Variants in LRMDA observed in about 807,000 individuals in gnomAD.
The protein encoded by LRMDA is leucine rich melanocyte differentiation associated, also known as leucine-rich melanocyte differentiation-associated protein.
Under a neutral mutation model 29.8 loss-of-function variants are expected in LRMDA, and 18 were observed. The ratio of observed to expected loss-of-function variants is 0.60; its 90% CI spans 0.42 to 0.90. The LOEUF (loss-of-function observed/expected upper bound fraction) is 0.90, where lower values mean the gene tolerates loss of function less well. LRMDA is among the 40% of genes least tolerant of loss of function. The pLI, the probability that LRMDA is intolerant of heterozygous loss-of-function variation, is 0.00. For synonymous variants in LRMDA, 125 were observed against 109.4 expected, an observed-to-expected ratio of 1.14 and a Z score of -0.89; for missense variants, 273 against 273.9, an observed-to-expected ratio of 1.00 and a Z score of 0.02.
chr10:75,783,968 G>T (rs981205759), intron 2 of LRMDA, among the ~76,000 whole-genome samples: 3 of 152,196 alleles, frequency 2.0e-5, no homozygotes, highest in Non-Finnish European at 4.4e-5. Flanking sequence ...ACATATTTCA[G>T]CAAGGCAGAA....
At chr10:75,839,931 A>G (rs1564582739) in intron 2 of LRMDA, among the ~76,000 whole-genome samples, 1 of 151,858 alleles carries the variant, frequency 6.6e-6, no homozygotes, top group Admixed American at 6.6e-5. Flanking sequence ...GATGATCTTG[A>G]TCTCCTGACC....
intron 5 of LRMDA, among the ~76,000 whole-genome samples, chr10:76,205,123 C>T (rs1045241529): frequency 6.6e-6 from 1 of 152,090 alleles, no homozygotes; most frequent in Non-Finnish European, 1.5e-5. Flanking sequence ...CCCAAGAGCG[C>T]ACTTAAAAAA....
chr10:76,142,446 A>G (rs1020876892), intron 5 of LRMDA, among the ~76,000 whole-genome samples: 2 of 152,028 alleles, frequency 1.3e-5, no homozygotes, highest in Admixed American at 6.6e-5. Context: ...AAATACATTT[A>G]TGTACCTAAA....
chr10:75,728,763 C>T (rs1842660669), intron 2 of LRMDA, among the ~76,000 whole-genome samples: 1 of 151,930 alleles, frequency 6.6e-6, no homozygotes, highest in African/African-American at 2.4e-5. Flanking sequence ...GGCTGGGAGG[C>T]TTGAAGCTTG....
intron 6 of LRMDA, among the ~76,000 whole-genome samples, chr10:76,551,421 G>C (rs950248037): frequency 1.3e-5 from 2 of 152,134 alleles, no homozygotes; most frequent in South Asian, 4.2e-4. Flanking sequence ...TTATTTTAAT[G>C]GTATTAATTT....
intron 2 of LRMDA, among the ~76,000 whole-genome samples, chr10:75,958,092 T>C (rs1461143533): frequency 2.0e-5 from 3 of 152,110 alleles, no homozygotes; most frequent in African/African-American, 7.2e-5. Context: ...CTGACGATGG[T>C]GCTGGTGACA....
intron 2 of LRMDA, among the ~76,000 whole-genome samples, chr10:75,649,600 A>G (rs1268815498): frequency 6.6e-6 from 1 of 152,238 alleles, no homozygotes; most frequent in Non-Finnish European, 1.5e-5. Context: ...ACTGTGAATA[A>G]TGCTGCTGTA....
chr10:76,221,865 A>G (rs1449101323), intron 5 of LRMDA, among the ~76,000 whole-genome samples: 2 of 152,004 alleles, frequency 1.3e-5, no homozygotes, highest in Admixed American at 6.6e-5. Flanking sequence ...CTGACTTCAA[A>G]CTATACTACA....
At chr10:75,582,773 C>T (rs1840610720) in intron 2 of LRMDA, among the ~76,000 whole-genome samples, 1 of 152,180 alleles carries the variant, frequency 6.6e-6, no homozygotes, top group Non-Finnish European at 1.5e-5. Context: ...CTTTTATGCT[C>T]TGCTTTCCCT....
chr10:75,923,446 A>C (rs1473327887), intron 2 of LRMDA, among the ~76,000 whole-genome samples: 1 of 152,172 alleles, frequency 6.6e-6, no homozygotes, highest in Non-Finnish European at 1.5e-5. Flanking sequence ...CGCTGTCATA[A>C]AAACAGCCGG....
chr10:75,538,992 A>G (rs1839985198), intron 2 of LRMDA, among the ~76,000 whole-genome samples: 1 of 152,236 alleles, frequency 6.6e-6, no homozygotes, highest in Admixed American at 6.5e-5. Context: ...TGTTGCTTGC[A>G]TGCAATTGAG....
chr10:75,524,648 T>G (rs1273538442), intron 2 of LRMDA, among the ~76,000 whole-genome samples: 3 of 152,162 alleles, frequency 2.0e-5, no homozygotes, highest in African/African-American at 7.2e-5. Flanking sequence ...TCTTCACAAC[T>G]TGGCCTATGT....
intron 6 of LRMDA, among the ~76,000 whole-genome samples, chr10:76,549,607 A>G (rs1843470033): frequency 2.0e-5 from 3 of 152,068 alleles, no homozygotes; most frequent in Non-Finnish European, 4.4e-5. Context: ...CACAGTTTAG[A>G]CCCTATCATG....
chr10:75,833,851 A>G (rs1589222838), intron 2 of LRMDA, among the ~76,000 whole-genome samples: 2 of 152,320 alleles, frequency 1.3e-5, no homozygotes, highest in East Asian at 3.9e-4. Flanking sequence ...TAAAAGGGAT[A>G]CAGTGAAAGG....
chr10:75,679,406 A>T (rs1040756047), intron 2 of LRMDA, among the ~76,000 whole-genome samples: 8 of 152,114 alleles, frequency 5.3e-5, no homozygotes, highest in African/African-American at 1.9e-4. Flanking sequence ...TAACTTGCCA[A>T]AGGTAATTCA....
chr10:76,171,161 A>G (rs1203552386), intron 5 of LRMDA, among the ~76,000 whole-genome samples: 1 of 152,188 alleles, frequency 6.6e-6, no homozygotes, highest in East Asian at 1.9e-4. Flanking sequence ...GGAATGGGAT[A>G]AGTCATCTGG....
rs1425475161 is a variant in LRMDA, at chr10:76,036,030, T to C, written c.154T>C (p.Phe52Leu). 1 of 1,614,084 alleles carries C rather than the reference T, an allele frequency of 6.2e-7. No homozygotes were observed. Among genetic ancestry groups the C allele is most frequent in the South Asian group, 1.1e-5 (1 of 91,056 alleles). The stretch of plus-strand genomic sequence containing the variant: ...CAGGTCACTGGAAGGACTGAGCGCA[T>C]TCAGGAGCCTGGAGGAACTCATCTT... Reference protein sequence around the residue: ...LLRSLEGLSAFRSLEELILDN... With the variant: ...LLRSLEGLSALRSLEELILDN... The change falls in exon 3 of 7, where the codon TTC (phenylalanine) becomes CTC (leucine). Residue 52 changes from phenylalanine (F) to leucine (L), a missense_variant. Phe to Leu is a conservative substitution (Grantham distance 22). Coordinates refer to ENST00000611255, the MANE Select transcript of LRMDA (RefSeq NM_001305581.2).
chr10:76,033,240 C>G (rs1208078139), intron 2 of LRMDA, among the ~76,000 whole-genome samples: 1 of 152,090 alleles, frequency 6.6e-6, no homozygotes, highest in African/African-American at 2.4e-5. Flanking sequence ...GATTAAATCC[C>G]CAGGAGCACA....
At chr10:76,348,017 A>C (rs1841129744) in intron 6 of LRMDA, among the ~76,000 whole-genome samples, 1 of 152,192 alleles carries the variant, frequency 6.6e-6, no homozygotes, top group Non-Finnish European at 1.5e-5. Flanking sequence ...GGTGTGGTAC[A>C]TGCATGGGAG....
Sources: allele counts gnomAD v4.1 joint callset (sites outside exome capture counted in the v4.1 genomes callset), GRCh38; gene constraint gnomAD v4.1.1; transcripts MANE v1.5; gene names NCBI Gene and HGNC (gene_info 2026-07-23, HGNC 2026-07-21).